The following KRTAP5-9 variants were observed in gnomAD, a reference collection of about 807,000 sequenced individuals.
KRTAP5-9 encodes keratin-associated protein 5-9.
Under a neutral mutation model 3.0 loss-of-function variants are expected in KRTAP5-9, and 2 were observed. The ratio of observed to expected loss-of-function variants is 0.67; its 90% CI spans 0.27 to 2.09. The LOEUF is 2.09. Among genes scored for constraint, KRTAP5-9 ranks in the 30% most tolerant of loss-of-function variants. The pLI, the probability that KRTAP5-9 is intolerant of heterozygous loss-of-function variation, is 0.14. For missense variants in KRTAP5-9, 183 were observed against 204.2 expected (o/e 0.90, Z 0.63); for synonymous variants, 70 against 81.2 (o/e 0.86, Z 0.74).
At position 71,548,593 on chromosome 11, in the gene KRTAP5-9, G is replaced by A; in HGVS notation, c.-65G>A. ...GATATAAAGAGCCGGGGCTCAGGGG[G>A]CTCCACACCTGCACCTCCTTCTCAC... On this transcript the variant is annotated 5_prime_UTR_variant, in exon 1 of 1. Transcript: ENST00000528743. 1.3e-6 allele frequency: 2 copies of A among 1,571,616 alleles called. No homozygotes were observed. The highest frequency in any genetic ancestry group is 8.6e-7 in the Non-Finnish European group (1 of 1,162,762).
chr11:71,549,462 T>C lies in KRTAP5-9; in HGVS notation c.*295T>C. 1 of 543,088 alleles carries C rather than the reference T, an allele frequency of 1.8e-6. No individual in the cohort carries two copies. The allele number at this position is 543,088 out of a possible 1,614,324, so 33.6% of individuals were successfully genotyped here. On this transcript the variant is annotated 3_prime_UTR_variant, in exon 1 of 1. Transcript: ENST00000528743. ...GGAATTCCCCTTCTTGATAATTCCATGGGAGACAGCAAACCCTTCTTTCCT... is the reference window on the plus strand; with the variant it reads ...GGAATTCCCCTTCTTGATAATTCCACGGGAGACAGCAAACCCTTCTTTCCT...
rs1950109911 is a variant in KRTAP5-9, at chr11:71,548,981, G to C, written c.324G>C (p.Gln108His). The C allele has an allele frequency of 8.1e-6, 13 of 1,602,328 alleles. No homozygotes were observed. The highest frequency in any genetic ancestry group is 1.1e-5 in the Non-Finnish European group (13 of 1,174,772). ...QCSCCKPYCS[Q>H]CSCCKPCCSS... Reference sequence around the variant, plus strand: ...GCTGCTGCAAGCCCTACTGCTCCCAGTGCAGCTGCTGTAAGCCCTGTTGCT... The same window carrying C: ...GCTGCTGCAAGCCCTACTGCTCCCACTGCAGCTGCTGTAAGCCCTGTTGCT... The change falls in exon 1 of 1, where the codon CAG becomes CAC. Residue 108 changes from glutamine to histidine, a missense_variant. Transcript: ENST00000528743.
chr11:71,548,642 T>G lies in KRTAP5-9; in HGVS notation c.-16T>G. On this transcript the variant is annotated 5_prime_UTR_variant, in exon 1 of 1. Coordinates refer to ENST00000528743, the MANE Select transcript of KRTAP5-9 (RefSeq NM_005553.4). ...ACCTGCTCCTCTACCTGCTCCACCCTCAATCCACCAGAACCATGGGCTGCT... is the reference window on the plus strand; with the variant it reads ...ACCTGCTCCTCTACCTGCTCCACCCGCAATCCACCAGAACCATGGGCTGCT... 1 of 1,601,256 alleles carries G rather than the reference T, an allele frequency of 6.2e-7. No homozygotes were observed. The highest frequency in any genetic ancestry group is 8.5e-7 in the Non-Finnish European group (1 of 1,174,882).
At position 71,548,947 on chromosome 11, in the gene KRTAP5-9, G is replaced by C. The variant is rs535053140; in HGVS notation, c.290G>C (p.Cys97Ser). The C allele has an allele frequency of 1.9e-6, 3 of 1,603,926 alleles. No homozygotes were observed. Among genetic ancestry groups the C allele is most frequent in the South Asian group, 2.2e-5 (2 of 90,860 alleles). The change falls in exon 1 of 1, where the codon TGC becomes TCC. Residue 97 changes from cysteine (C) to serine (S), a missense_variant. Transcript: ENST00000528743. ...CCSSGCGSSC[C>S]QCSCCKPYCS... ...TCTTCAGGCTGTGGGTCATCCTGCT[G>C]CCAGTGCAGCTGCTGCAAGCCCTAC... is the stretch of plus-strand genomic sequence containing the variant.
chr11:71,549,260 G>C lies in KRTAP5-9; in HGVS notation c.*93G>C. The C allele has an allele frequency of 6.4e-7, 1 of 1,560,380 alleles. No individual in the cohort carries two copies. The highest frequency in any genetic ancestry group is 8.8e-7 in the Non-Finnish European group (1 of 1,142,532). On this transcript the variant is annotated 3_prime_UTR_variant, in exon 1 of 1. Coordinates refer to ENST00000528743, the MANE Select transcript of KRTAP5-9 (RefSeq NM_005553.4). ...GCACATCCCCTTCTGGATCTGAAAA[G>C]AGCCCTTGGCTCAGGGCGTCTTTTT...
In KRTAP5-9 at chr11:71,548,734, C is replaced by T. The variant is rs1392351891; in HGVS notation, c.77C>T (p.Ser26Phe). The T allele has an allele frequency of 6.2e-7, 1 of 1,613,180 alleles. No homozygotes were observed. The highest frequency in any genetic ancestry group is 2.2e-5 in the East Asian group (1 of 44,884). ...GACTCCAGCTGTGGGAGCTGTGGCT[C>T]TGGCTGCAGGGGCTGTGGCCCCAGC... ...GCDSSCGSCGSGCRGCGPSCC... is the reference protein window; with the variant it reads ...GCDSSCGSCGFGCRGCGPSCC... Residue 26 changes from serine to phenylalanine, a missense_variant, in exon 1 of 1, where the codon TCT becomes TTT. Physicochemically the swap from Ser to Phe is radical, Grantham distance 155. Coordinates refer to ENST00000528743, the MANE Select transcript of KRTAP5-9 (RefSeq NM_005553.4).
rs1241912513 is a variant in KRTAP5-9, at chr11:71,549,149, C to T, written c.492C>T (p.Cys164=). Reference sequence around the variant, plus strand: ...AGTCCAGATGCTGTGTCCCTGTGTGCTACCAGTGCAAGATCTGAGGCTCTA... The same window carrying T: ...AGTCCAGATGCTGTGTCCCTGTGTGTTACCAGTGCAAGATCTGAGGCTCTA... ...CSQSRCCVPV[C]YQCKI The change falls in exon 1 of 1, where the codon TGC becomes TGT. Residue 164 remains cysteine, a synonymous_variant. Transcript: ENST00000528743. The T allele has an allele frequency of 6.2e-7, 1 of 1,614,124 alleles. No individual in the cohort carries two copies. Among genetic ancestry groups the T allele is most frequent in the Non-Finnish European group, 8.5e-7 (1 of 1,180,050 alleles).
chr11:71,549,494 G>T lies in KRTAP5-9; in HGVS notation c.*327G>T, dbSNP rs1229636300. On this transcript the variant is annotated 3_prime_UTR_variant, in exon 1 of 1. Transcript: ENST00000528743. ...CAGCAAACCCTTCTTTCCTTTGCCTGCCAGGAGCTTCACGACATTTGCAGA... is the reference window on the plus strand; with the variant it reads ...CAGCAAACCCTTCTTTCCTTTGCCTTCCAGGAGCTTCACGACATTTGCAGA... 2.2e-5 allele frequency: 10 copies of T among 453,430 alleles called. No individual in the cohort carries two copies. The highest frequency in any genetic ancestry group is 1.6e-5 in the Non-Finnish European group (4 of 243,190). The allele number at this position is 453,430 out of a possible 1,614,324, so 28.1% of individuals were successfully genotyped here.
Position 71,549,066 on chromosome 11 carries a change from T to C in KRTAP5-9, c.409T>C (p.Ser137Pro). The C allele has an allele frequency of 6.2e-7, 1 of 1,607,990 alleles. No homozygotes were observed. The highest frequency in any genetic ancestry group is 2.2e-5 in the East Asian group (1 of 44,872). The change falls in exon 1 of 1, where the codon TCC becomes CCC. Residue 137 changes from serine to proline, a missense_variant. Ser to Pro is a moderately conservative substitution (Grantham distance 74, BLOSUM62 -1). Coordinates refer to ENST00000528743, the MANE Select transcript of KRTAP5-9 (RefSeq NM_005553.4). Reference protein sequence around the residue: ...QSSCCKPCCSSSGCGSSCCQS... With the variant: ...QSSCCKPCCSPSGCGSSCCQS... ...CAGCTGCTGCAAGCCCTGCTGCTCA[T>C]CCTCAGGCTGTGGGTCATCCTGCTG...
In KRTAP5-9 at chr11:71,549,467, G is replaced by C. The variant is rs764079159; in HGVS notation, c.*300G>C. ...TCCCCTTCTTGATAATTCCATGGGAGACAGCAAACCCTTCTTTCCTTTGCC... is the reference window on the plus strand; with the variant it reads ...TCCCCTTCTTGATAATTCCATGGGACACAGCAAACCCTTCTTTCCTTTGCC... On this transcript the variant is annotated 3_prime_UTR_variant, in exon 1 of 1. Transcript: ENST00000528743. The C allele has an allele frequency of 5.8e-5, 31 of 532,924 alleles. No homozygotes were observed. The highest frequency in any genetic ancestry group is 1.0e-4 in the Non-Finnish European group (30 of 290,184). 33.0% of individuals were successfully genotyped at this position (532,924 alleles called of 1,614,324 possible).
chr11:71,549,236 C>A lies in KRTAP5-9; in HGVS notation c.*69C>A, dbSNP rs1950111686. The A allele has an allele frequency of 6.3e-7, 1 of 1,597,874 alleles. No individual in the cohort carries two copies. The highest frequency in any genetic ancestry group is 1.7e-5 in the Admixed American group (1 of 59,590). On this transcript the variant is annotated 3_prime_UTR_variant, in exon 1 of 1. Coordinates refer to ENST00000528743, the MANE Select transcript of KRTAP5-9 (RefSeq NM_005553.4). ...TTCCAACAAGTGACTACCCTTGAAG[C>A]ACATCCCCTTCTGGATCTGAAAAGA... is the stretch of plus-strand genomic sequence containing the variant.
In KRTAP5-9 at chr11:71,548,767, C is replaced by T. The variant is rs375818152; in HGVS notation, c.110C>T (p.Ala37Val). ...AGGGGCTGTGGCCCCAGCTGCTGTG[C>T]ACCCGTCTACTGCTGCAAGCCCGTG... Reference protein sequence around the residue: ...GCRGCGPSCCAPVYCCKPVCC... With the variant: ...GCRGCGPSCCVPVYCCKPVCC... Residue 37 changes from alanine (A) to valine (V), a missense_variant, in exon 1 of 1, where the codon GCA becomes GTA. By Grantham distance (64) the Ala-to-Val change is moderately conservative (BLOSUM62 0). Transcript: ENST00000528743. The T allele has an allele frequency of 5.6e-6, 9 of 1,613,120 alleles. No homozygotes were observed. Among genetic ancestry groups the T allele is most frequent in the African/African-American group, 4.0e-5 (3 of 74,998 alleles).
In KRTAP5-9 at chr11:71,548,681, A is replaced by T; in HGVS notation, c.24A>T (p.Gly8=). The T allele has an allele frequency of 6.2e-7, 1 of 1,611,346 alleles. No homozygotes were observed. Among genetic ancestry groups the T allele is most frequent in the Non-Finnish European group, 8.5e-7 (1 of 1,179,280 alleles). The part of the protein sequence containing the change: MGCCGCS[G]GCGSSCGGCD... ...CCATGGGCTGCTGTGGCTGCTCCGG[A>T]GGCTGTGGCTCCAGCTGTGGAGGCT... Residue 8 remains glycine, a synonymous_variant, in exon 1 of 1, where the codon GGA becomes GGT. Coordinates refer to ENST00000528743, the MANE Select transcript of KRTAP5-9 (RefSeq NM_005553.4).
Position 71,548,451 on chromosome 11 carries a change from G to T in KRTAP5-9, c.-207G>T. On this transcript the variant is annotated 5_prime_UTR_variant, in exon 1 of 1. In the 5' UTR this introduces an upstream ATG that the reference lacks. Transcript: ENST00000528743. ...CACAAGGAAATCATCTCAGGAGGAA[G>T]GGCTCATACTTGGATCCAGAAAATA... is the stretch of plus-strand genomic sequence containing the variant. 1 of 1,039,026 alleles carries T rather than the reference G, an allele frequency of 9.6e-7. No homozygotes were observed. The highest frequency in any genetic ancestry group is 1.4e-6 in the Non-Finnish European group (1 of 721,238). The allele number at this position is 1,039,026 out of a possible 1,614,324, so 64.4% of individuals were successfully genotyped here. A position where few individuals can be genotyped will look rare whatever the true frequency, so the allele number is the denominator to read the frequency against.
In KRTAP5-9 at chr11:71,548,673, T is replaced by C; in HGVS notation, c.16T>C (p.Cys6Arg). 1.2e-6 allele frequency: 2 copies of C among 1,610,288 alleles called. No homozygotes were observed. Among genetic ancestry groups the C allele is most frequent in the Non-Finnish European group, 1.7e-6 (2 of 1,178,732 alleles). Residue 6 changes from cysteine to arginine, a missense_variant, in exon 1 of 1, where the codon TGC becomes CGC. Cys to Arg is a radical substitution (Grantham distance 180). Transcript: ENST00000528743. ...CACCAGAACCATGGGCTGCTGTGGCTGCTCCGGAGGCTGTGGCTCCAGCTG... is the reference window on the plus strand; with the variant it reads ...CACCAGAACCATGGGCTGCTGTGGCCGCTCCGGAGGCTGTGGCTCCAGCTG... Reference protein sequence around the residue: MGCCGCSGGCGSSCGG... With the variant: MGCCGRSGGCGSSCGG...
rs1479007661 is a variant in KRTAP5-9, at chr11:71,548,630, C to T, written c.-28C>T. ...CACCTCCTTCTCACCTGCTCCTCTA[C>T]CTGCTCCACCCTCAATCCACCAGAA... On this transcript the variant is annotated 5_prime_UTR_variant, in exon 1 of 1. Transcript: ENST00000528743. 6.3e-7 allele frequency: 1 copy of T among 1,595,618 alleles called. No homozygotes were observed. Among genetic ancestry groups the T allele is most frequent in the African/African-American group, 1.3e-5 (1 of 74,728 alleles).
Position 71,548,876 on chromosome 11 carries a change from T to G in KRTAP5-9, c.219T>G (p.Gly73=), listed in dbSNP as rs1591154989. ...GTGGGGGCTCCAAGGGAGGCTGTGG[T>G]TCTTGTGGCTGCTCCCAGTGCAGTT... The part of the protein sequence containing the change: ...GSCGGSKGGC[G]SCGCSQCSCC... The change falls in exon 1 of 1, where the codon GGT becomes GGG. Residue 73 remains glycine (G), a synonymous_variant. Transcript: ENST00000528743. 6.2e-7 allele frequency: 1 copy of G among 1,614,086 alleles called. No homozygotes were observed.
In KRTAP5-9 at chr11:71,548,877, T is replaced by G; in HGVS notation, c.220T>G (p.Ser74Ala). The change falls in exon 1 of 1, where the codon TCT (serine) becomes GCT (alanine). Residue 74 changes from serine (S) to alanine (A), a missense_variant. Ser to Ala is a moderately conservative substitution (Grantham distance 99). Transcript: ENST00000528743. ...TGGGGGCTCCAAGGGAGGCTGTGGT[T>G]CTTGTGGCTGCTCCCAGTGCAGTTG... is the stretch of plus-strand genomic sequence containing the variant. ...SCGGSKGGCG[S>A]CGCSQCSCCK... is the part of the protein sequence containing the mutation. 6.2e-7 allele frequency: 1 copy of G among 1,614,178 alleles called. No individual in the cohort carries two copies. The highest frequency in any genetic ancestry group is 8.5e-7 in the Non-Finnish European group (1 of 1,180,016).
rs190769804 is a variant in KRTAP5-9, at chr11:71,548,490, A to T, written c.-168A>T. ...ATCCAGAAAATATCAACATAGCCAA[A>T]GAAAAACAATCAAGACATACCTCCA... On this transcript the variant is annotated 5_prime_UTR_variant, in exon 1 of 1. It adds an upstream start codon to the 5' untranslated region. Coordinates refer to ENST00000528743, the MANE Select transcript of KRTAP5-9 (RefSeq NM_005553.4). 323 of 1,374,378 alleles carry T rather than the reference A, an allele frequency of 2.4e-4. 1 individual carries two copies. In the African/African-American group the frequency reaches 4.4e-3, roughly 19 times the overall value. The allele number at this position is 1,374,378 out of a possible 1,614,324, so 85.1% of individuals were successfully genotyped here.
Sources: gnomAD v4.1 joint callset for allele counts on GRCh38, gnomAD v4.1.1 for gene constraint, MANE v1.5 for transcripts, NCBI Gene and HGNC (gene_info 2026-07-23, HGNC 2026-07-21) for gene names.